Variants in DNAAF8 observed in about 807,000 individuals in gnomAD.
The protein encoded by DNAAF8 is dynein axonemal assembly factor 8, also known as dynein axonemal-associated protein 1.
Under a neutral mutation model 54.6 loss-of-function variants are expected in DNAAF8, and 61 were observed. The ratio of observed to expected loss-of-function variants is 1.12; its 90% CI spans 0.91 to 1.38. The LOEUF is 1.38. Among genes scored for constraint, DNAAF8 ranks in the 40% most tolerant of loss-of-function variants. The pLI is 0.00. For synonymous variants in DNAAF8, 320 were observed against 270.1 expected, an observed-to-expected ratio of 1.18 and a Z score of -1.81; for missense variants, 837 against 665.0, an observed-to-expected ratio of 1.26 and a Z score of -2.85.
In DNAAF8 at chr16:4,740,793, T is replaced by G. The variant is rs2081952453; in HGVS notation, c.783+134T>G. 1.0e-5 allele frequency: 12 copies of G among 1,172,096 alleles called. No individual in the cohort carries two copies. In the Admixed American group the frequency reaches 2.8e-4, roughly 28 times the overall value. The allele number at this position is 1,172,096 out of a possible 1,614,324, so 72.6% of individuals were successfully genotyped here. The stretch of plus-strand genomic sequence containing the variant: ...CTTAGGCCCATTATCCACCATTCTG[T>G]GTACCTGTCTCAGTAGAGGGGTGGA... On this transcript the variant is annotated intron_variant, in intron 4 of 9. Coordinates refer to ENST00000299320, the MANE Select transcript of DNAAF8 (RefSeq NM_139170.3).
chr16:4,745,891 T>C (rs2341989), intron 6 of DNAAF8, among the ~76,000 whole-genome samples: 89,671 of 149,794 alleles, frequency 0.6, 27,328 homozygotes, highest in East Asian at 0.67. Flanking sequence ...GAGGCGGAGG[T>C]TGCAGTGACC....
chr16:4,736,280 A>G (rs703815), intron 1 of DNAAF8, among the ~76,000 whole-genome samples, 184 bp from the exon 2 acceptor site: 87,294 of 151,728 alleles, frequency 0.58, 25,370 homozygotes, highest in East Asian at 0.68. Context: ...CATGAGTGGG[A>G]ACACACACAC....
intron 7 of DNAAF8, 189 bp from the exon 8 acceptor site, chr16:4,746,738 A>G (rs2142214333): frequency 1.3e-6 from 1 of 759,902 alleles, no homozygotes; most frequent in South Asian, 1.9e-5. Context: ...AATAGAGCCC[A>G]ACACGTCTAG....
At chr16:4,736,159 TATAAC>T (rs1234445642) in intron 1 of DNAAF8, among the ~76,000 whole-genome samples, 1 of 152,170 alleles carries the variant, frequency 6.6e-6, no homozygotes, top group African/African-American at 2.4e-5. Context: ...TGGCATTCTA[TATAAC>T]ATGTACATAT....
chr16:4,746,724 A>G (rs905115937), intron 7 of DNAAF8: 2 of 790,850 alleles, frequency 2.5e-6, no homozygotes, highest in Non-Finnish European at 3.9e-6. Context: ...GCTGGGCTCT[A>G]TGCAATAGAG....
intron 4 of DNAAF8, among the ~76,000 whole-genome samples, chr16:4,742,448 TG>T (rs1475380193): frequency 6.6e-6 from 1 of 150,552 alleles, no homozygotes; most frequent in Non-Finnish European, 1.5e-5. Context: ...CTCAGCACTT[TG>T]GGAGGTGAAG....
chr16:4,736,575 G>T lies in DNAAF8; in HGVS notation c.61G>T (p.Gly21Trp). 6.3e-7 allele frequency: 1 copy of T among 1,590,044 alleles called. No individual in the cohort carries two copies. The highest frequency in any genetic ancestry group is 8.6e-7 in the Non-Finnish European group (1 of 1,164,656). ...SLGSPWASQM[G>W]PWDAILKAVK... ...GGGCTCTCCCTGGGCCTCCCAGATG[G>T]GGCCCTGGGATGCCATCCTCAAGGC... is the stretch of plus-strand genomic sequence containing the variant. The change falls in exon 2 of 10, where the codon GGG (glycine) becomes TGG (tryptophan). Residue 21 changes from glycine to tryptophan, a missense_variant. Physicochemically the swap from Gly to Trp is radical, Grantham distance 184. Transcript: ENST00000299320.
Position 4,743,002 on chromosome 16 carries a change from C to T in DNAAF8, c.784-41C>T, listed in dbSNP as rs777087018. The T allele has an allele frequency of 1.4e-5, 21 of 1,487,220 alleles. No homozygotes were observed. The South Asian group carries it at 2.2e-4, about 15-fold the overall frequency. 92.1% of individuals were successfully genotyped at this position (1,487,220 alleles called of 1,614,324 possible). On this transcript the variant is annotated intron_variant, in intron 4 of 9. Coordinates refer to ENST00000299320, the MANE Select transcript of DNAAF8 (RefSeq NM_139170.3). The stretch of plus-strand genomic sequence containing the variant: ...GAAGCAGGTACTTGTGCCTCTGGGA[C>T]CCCTCAGCATCCTCATAATCACTGG...
chr16:4,747,381 G>C lies in DNAAF8; in HGVS notation c.1319G>C (p.Arg440Thr). 1 of 1,608,358 alleles carries C rather than the reference G, an allele frequency of 6.2e-7. No homozygotes were observed. The highest frequency in any genetic ancestry group is 1.1e-5 in the South Asian group (1 of 90,782). Residue 440 changes from arginine (R) to threonine (T), a missense_variant, in exon 9 of 10, where the codon AGG becomes ACG. By Grantham distance (71) the Arg-to-Thr change is moderately conservative. Transcript: ENST00000299320. Reference sequence around the variant, plus strand: ...AAAAGCCAGCTTCTCCAGCAGCTCAGGGCCTTTCAGAAGGGGACAGCCCAG... The same window carrying C: ...AAAAGCCAGCTTCTCCAGCAGCTCACGGCCTTTCAGAAGGGGACAGCCCAG... ...TGKSQLLQQL[R>T]AFQKGTAQPE...
intron 1 of DNAAF8, 45 bp from the exon 2 acceptor site, chr16:4,736,419 C>A (rs2081902183): frequency 7.6e-7 from 1 of 1,316,642 alleles, no homozygotes; most frequent in Non-Finnish European, 9.9e-7. Context: ...CTCTCCTGAC[C>A]TTCAGTGGCC....
At position 4,743,125 on chromosome 16, in the gene DNAAF8, CTG is replaced by C; in HGVS notation, c.871_872del (p.Trp291ValfsTer4). On this transcript the variant is annotated frameshift_variant, in exon 5 of 10. Coordinates refer to ENST00000299320, the MANE Select transcript of DNAAF8 (RefSeq NM_139170.3). LOFTEE classifies it high-confidence loss of function. ...AACCAGGGAAATCGTGCACCTGGAACTGTGTGGTGGGCAGCTGACCACCGCCA... is the reference window on the plus strand; with the variant it reads ...AACCAGGGAAATCGTGCACCTGGAACTGTGGTGGGCAGCTGACCACCGCCA... The C allele has an allele frequency of 6.2e-7, 1 of 1,611,266 alleles. No homozygotes were observed. The highest frequency in any genetic ancestry group is 2.2e-5 in the East Asian group (1 of 44,618).
At chr16:4,746,701 C>G (rs958735368) in intron 7 of DNAAF8, 189 bp downstream of exon 7, 1 of 860,700 alleles carries the variant, frequency 1.2e-6, no homozygotes, top group African/African-American at 1.7e-5. Flanking sequence ...GGGCATGAGG[C>G]ACACCTCCTC....
At position 4,744,870 on chromosome 16, in the gene DNAAF8, A is replaced by G. The variant is rs2081993613; in HGVS notation, c.902A>G (p.Asp301Gly). ...CAGCCTCTCCTTTGGCCATCCTCAG[A>G]CCGCATGGTGCCGAGCGCCCACAAC... The part of the protein sequence containing the change: ...WWAADHRQVQ[D>G]RMVPSAHNRL... Residue 301 changes from aspartate (D) to glycine (G), a missense_variant and splice_region_variant, in exon 6 of 10, where the codon GAC becomes GGC. Physicochemically the swap from Asp to Gly is moderately conservative, Grantham distance 94 (BLOSUM62 -1). Coordinates refer to ENST00000299320, the MANE Select transcript of DNAAF8 (RefSeq NM_139170.3). The G allele has an allele frequency of 6.2e-7, 1 of 1,611,516 alleles. No individual in the cohort carries two copies. The highest frequency in any genetic ancestry group is 8.5e-7 in the Non-Finnish European group (1 of 1,178,550).
intron 3 of DNAAF8, among the ~76,000 whole-genome samples, chr16:4,739,409 C>G (rs942728302): frequency 6.6e-6 from 1 of 151,140 alleles, no homozygotes; most frequent in African/African-American, 2.4e-5. Context: ...ATTTCTGAGC[C>G]CCAACATTAT....
At chr16:4,747,935 T>G (rs1030812598) in intron 9 of DNAAF8, among the ~76,000 whole-genome samples, 1 of 152,168 alleles carries the variant, frequency 6.6e-6, no homozygotes, top group Admixed American at 6.6e-5. Flanking sequence ...TGCGGGACTC[T>G]GAGGCTCTTC....
Position 4,737,828 on chromosome 16 carries a change from T to C in DNAAF8, c.158T>C (p.Ile53Thr), listed in dbSNP as rs141702834. 4 of 1,614,024 alleles carry C rather than the reference T, an allele frequency of 2.5e-6. No individual in the cohort carries two copies. The highest frequency in any genetic ancestry group is 2.7e-5 in the African/African-American group (2 of 74,924). Reference sequence around the variant, plus strand: ...GACTATGGGGAAGAGGAGCTGTTCATCTTCCAGCGAAACCAAACCTCCCTG... The same window carrying C: ...GACTATGGGGAAGAGGAGCTGTTCACCTTCCAGCGAAACCAAACCTCCCTG... Reference protein sequence around the residue: ...LSDYGEEELFIFQRNQTSLIP... With the variant: ...LSDYGEEELFTFQRNQTSLIP... The change falls in exon 3 of 10, where the codon ATC becomes ACC. Residue 53 changes from isoleucine (I) to threonine (T), a missense_variant. By Grantham distance (89) the Ile-to-Thr change is moderately conservative. Coordinates refer to ENST00000299320, the MANE Select transcript of DNAAF8 (RefSeq NM_139170.3).
Position 4,740,383 on chromosome 16 carries a change from G to T in DNAAF8, c.507G>T (p.Gln169His). 1.2e-6 allele frequency: 2 copies of T among 1,613,852 alleles called. No individual in the cohort carries two copies. Among genetic ancestry groups the T allele is most frequent in the Non-Finnish European group, 1.7e-6 (2 of 1,180,012 alleles). ...CCCAGGGTCCTCCCTGGGACCCACA[G>T]GCCGAAGCCACTCTCTCCTGCCATG... ...KGSQGPPWDP[Q>H]AEATLSCHEG... The change falls in exon 4 of 10, where the codon CAG becomes CAT. Residue 169 changes from glutamine (Q) to histidine (H), a missense_variant. By Grantham distance (24) the Gln-to-His change is conservative. Coordinates refer to ENST00000299320, the MANE Select transcript of DNAAF8 (RefSeq NM_139170.3).
chr16:4,747,702 T>C, intron 9 of DNAAF8, 68 bp downstream of exon 9: 1 of 1,467,110 alleles, frequency 6.8e-7, no homozygotes, highest in Non-Finnish European at 9.1e-7. Context: ...CGGTGTCCCC[T>C]TGTTGTTCCT....
At chr16:4,747,200 T>G in intron 8 of DNAAF8, 143 bp from the exon 9 acceptor site, 1 of 1,235,212 alleles carries the variant, frequency 8.1e-7, no homozygotes, top group Non-Finnish European at 1.1e-6. Flanking sequence ...GTCCCAGCAG[T>G]GGCAGCAGTG....
Sources: gnomAD v4.1 joint callset for allele counts (sites outside exome capture counted in the v4.1 genomes callset) on GRCh38, gnomAD v4.1.1 for gene constraint, MANE v1.5 for transcripts, NCBI Gene and HGNC (gene_info 2026-07-23, HGNC 2026-07-21) for gene names.